The following NEK8 variants were observed in gnomAD, a reference collection of about 807,000 sequenced individuals.
NEK8 encodes the protein NIMA related kinase 8.
Under a neutral mutation model 77.2 loss-of-function variants are expected in NEK8, and 51 were observed. The observed-to-expected ratio is 0.66, with a 90% CI of 0.53 to 0.83. The LOEUF (loss-of-function observed/expected upper bound fraction) is 0.83, where lower values mean the gene tolerates loss of function less well. Ranked by LOEUF, NEK8 falls within the 40% of genes least tolerant of loss-of-function variation. The pLI is 0.00. For missense variants in NEK8, 787 were observed against 909.2 expected (o/e 0.87, Z 1.73); for synonymous variants, 365 against 363.2 (o/e 1.00, Z -0.06).
At chr17:28,735,177 T>G (rs1460679032) in intron 3 of NEK8, 63 bp from the exon 4 acceptor site, 1 of 1,607,808 alleles carries the variant, frequency 6.2e-7, no homozygotes, top group Admixed American at 1.7e-5. Context: ...CCAAATGGGC[T>G]TATGCACAGA....
intron 1 of NEK8, among the ~76,000 whole-genome samples, chr17:28,731,982 C>G (rs1448255823): frequency 8.2e-5 from 9 of 109,236 alleles, no homozygotes; most frequent in Admixed American, 2.5e-4. Flanking sequence ...CTAGGCTGGA[C>G]TGCAGTGGCG....
chr17:28,737,276 C>T lies in NEK8; in HGVS notation c.619-30C>T. The stretch of plus-strand genomic sequence containing the variant: ...GAGCTGGGGGGTGCTGCCCTCACTT[C>T]CCCAAATTCTCAACCTGGTGCCTTC... On this transcript the variant is annotated intron_variant, in intron 4 of 14. Transcript: ENST00000268766. The surrounding 1 kb of genome is among the most constrained non-coding windows in gnomAD (Gnocchi z 4.8). 6.3e-7 allele frequency: 1 copy of T among 1,586,122 alleles called. No individual in the cohort carries two copies. The highest frequency in any genetic ancestry group is 1.1e-5 in the South Asian group (1 of 87,770).
At position 28,740,284 on chromosome 17, in the gene NEK8, G is replaced by A. The variant is rs1398175396; in HGVS notation, c.1418-179G>A. Reference sequence around the variant, plus strand: ...TGGCGACAGAGTGAGACTCAGTCTCGAAAAATAAAAATAAAAAATAAAGAA... The same window carrying A: ...TGGCGACAGAGTGAGACTCAGTCTCAAAAAATAAAAATAAAAAATAAAGAA... On this transcript the variant is annotated intron_variant, in intron 10 of 14. Transcript: ENST00000268766. The surrounding 1 kb of genome is among the most constrained non-coding windows in gnomAD (Gnocchi z 4.7). Among the ~76,000 whole-genome samples, 2 of 151,958 alleles carry A rather than the reference G, an allele frequency of 1.3e-5. No homozygotes were observed. The highest frequency in any genetic ancestry group is 1.9e-4 in the East Asian group (1 of 5,188).
At chr17:28,739,868 T>C (rs1314467287) in intron 10 of NEK8, among the ~76,000 whole-genome samples, 3 of 152,186 alleles carry the variant, frequency 2.0e-5, no homozygotes, top group African/African-American at 7.2e-5. Flanking sequence ...GGGAGAAAGA[T>C]GACATTGCCA....
At position 28,739,185 on chromosome 17, in the gene NEK8, G is replaced by T; in HGVS notation, c.1401G>T (p.Trp467Cys). 6.2e-7 allele frequency: 1 copy of T among 1,613,460 alleles called. No individual in the cohort carries two copies. The highest frequency in any genetic ancestry group is 1.7e-5 in the Admixed American group (1 of 60,022). ...CCACTGAGCGAGAACTATTTGCCTGGGGCCGTGGAGACAGCGGTAAGCTCC... is the reference window on the plus strand; with the variant it reads ...CCACTGAGCGAGAACTATTTGCCTGTGGCCGTGGAGACAGCGGTAAGCTCC... ...ALSTERELFAWGRGDSGRLGL... is the reference protein window; with the variant it reads ...ALSTERELFACGRGDSGRLGL... The change falls in exon 10 of 15, where the codon TGG becomes TGT. Residue 467 changes from tryptophan (W) to cysteine (C), a missense_variant. Trp to Cys is a radical substitution (Grantham distance 215, BLOSUM62 -2). This residue lies in a region of NEK8 where 516 missense variants were observed against 544.0 expected (regional missense o/e 0.95). Transcript: ENST00000268766.
At chr17:28,735,718 C>T (rs1178871567) in intron 4 of NEK8, among the ~76,000 whole-genome samples, 2 of 152,052 alleles carry the variant, frequency 1.3e-5, no homozygotes, top group African/African-American at 2.4e-5. Flanking sequence ...CCCTGTCAGT[C>T]TGGGAGTCTC....
chr17:28,731,780 A>AT (rs1295391199), intron 1 of NEK8, among the ~76,000 whole-genome samples: 2 of 146,244 alleles, frequency 1.4e-5, no homozygotes, highest in African/African-American at 5.1e-5. Flanking sequence ...ATTTTTTTGT[A>AT]TTTTTTAGTA....
rs373048342 is a variant in NEK8 at position 28,741,980 on chromosome 17, C to T, written c.2072C>T (p.Pro691Leu). 59 of 1,613,980 alleles carry T rather than the reference C, an allele frequency of 3.7e-5. No homozygotes were observed. The Middle Eastern group carries it at 4.9e-4, about 13-fold the overall frequency. ...CCAGCGGTCACAGATGAGCCGGTCC[C>T]CCCCTGAGGCACCCGGATTCACCTC... ...AVRSVTDEPV[P>L]P The change falls in exon 15 of 15, where the codon CCC becomes CTC. Residue 691 changes from proline to leucine, a missense_variant. By Grantham distance (98) the Pro-to-Leu change is moderately conservative (BLOSUM62 -3). Transcript: ENST00000268766. The surrounding 1 kb of genome is among the most constrained non-coding windows in gnomAD (Gnocchi z 4.5).
In NEK8 at chr17:28,737,669, C is replaced by A. The variant is rs899987230; in HGVS notation, c.828-6C>A. On this transcript the variant is annotated splice_region_variant and splice_polypyrimidine_tract_variant and intron_variant, in intron 5 of 14. Transcript: ENST00000268766. This position sits in a 1 kb window ranked among gnomAD's most constrained non-coding sequence, Gnocchi z 4.8. ...CTTTGTCCTTAGGCCCCCATCTGTC[C>A]TGCAGGGCAGAGAAGTCCGTGGCCC... 1 of 1,614,070 alleles carries A rather than the reference C, an allele frequency of 6.2e-7. No homozygotes were observed. The highest frequency in any genetic ancestry group is 8.5e-7 in the Non-Finnish European group (1 of 1,180,038).
In NEK8 at chr17:28,737,515, G is replaced by T; in HGVS notation, c.827+1G>T. ...ACGTGGGCAGTGTCCGCATGCGGAG[G>T]CCTGTGCAGGGACAGCGAGCGGTCC... is the stretch of plus-strand genomic sequence containing the variant. On this transcript the variant is annotated splice_donor_variant, in intron 5 of 14. Coordinates refer to ENST00000268766, the MANE Select transcript of NEK8 (RefSeq NM_178170.3). LOFTEE classifies it high-confidence loss of function. The surrounding 1 kb of genome is among the most constrained non-coding windows in gnomAD (Gnocchi z 4.8). 3 of 1,613,076 alleles carry T rather than the reference G, an allele frequency of 1.9e-6. No individual in the cohort carries two copies. The highest frequency in any genetic ancestry group is 2.5e-6 in the Non-Finnish European group (3 of 1,179,834).
In NEK8 at chr17:28,738,168, C is replaced by T. The variant is rs146989750; in HGVS notation, c.1145C>T (p.Ser382Leu). 2.6e-4 allele frequency: 420 copies of T among 1,614,002 alleles called. No individual in the cohort carries two copies. The highest frequency in any genetic ancestry group is 3.4e-4 in the Non-Finnish European group (403 of 1,179,992). Residue 382 changes from serine to leucine, a missense_variant, in exon 8 of 15, where the codon TCG (serine) becomes TTG (leucine). Ser to Leu is a moderately radical substitution (Grantham distance 145). Coordinates refer to ENST00000268766, the MANE Select transcript of NEK8 (RefSeq NM_178170.3). Reference protein sequence around the residue: ...AVEQPQPQFISRFLEGQSGVT... With the variant: ...AVEQPQPQFILRFLEGQSGVT... ...GAGCAGCCACAGCCCCAGTTCATCT[C>T]GCGTTTCCTGGAGGGCCAGTCGGGT...
rs761136772 is a variant in NEK8 at position 28,741,065 on chromosome 17, C to T, written c.1733-13C>T. On this transcript the variant is annotated splice_polypyrimidine_tract_variant and intron_variant, in intron 12 of 14. Coordinates refer to ENST00000268766, the MANE Select transcript of NEK8 (RefSeq NM_178170.3). The surrounding 1 kb of genome is among the most constrained non-coding windows in gnomAD (Gnocchi z 4.5). ...CCCTGTTGAAGCACCCCTTTCCTTC[C>T]TCTCCCCCATAGCCTCGGGTGATTG... The T allele has an allele frequency of 6.2e-7, 1 of 1,614,212 alleles. No individual in the cohort carries two copies. The highest frequency in any genetic ancestry group is 8.5e-7 in the Non-Finnish European group (1 of 1,180,028).
intron 9 of NEK8, 30 bp from the exon 10 acceptor site, chr17:28,739,054 C>T (rs770538383): frequency 1.3e-6 from 2 of 1,541,192 alleles, no homozygotes; most frequent in Non-Finnish European, 1.8e-6. Context: ...ACCCTTTGCC[C>T]AGTTTCTCCT....
At chr17:28,739,338 T>C (rs2034398049) in intron 10 of NEK8, 137 bp downstream of exon 10, 1 of 763,748 alleles carries the variant, frequency 1.3e-6, no homozygotes, top group African/African-American at 1.7e-5. Flanking sequence ...TCAACAAACC[T>C]TTATTTTACA....
intron 1 of NEK8, among the ~76,000 whole-genome samples, chr17:28,729,505 G>T (rs1341749184): frequency 1.3e-5 from 2 of 150,240 alleles, no homozygotes; most frequent in Non-Finnish European, 2.9e-5. Context: ...ACAGGCGTGC[G>T]CCACCATGCC....
In NEK8 at chr17:28,742,673, G is replaced by A. The variant is rs2034437488; in HGVS notation, c.*686G>A. 1 of 155,838 alleles carries A rather than the reference G, an allele frequency of 6.4e-6. No individual in the cohort carries two copies. The allele number at this position is 155,838 out of a possible 1,614,324, so 9.7% of individuals were successfully genotyped here. On this transcript the variant is annotated 3_prime_UTR_variant, in exon 15 of 15. Transcript: ENST00000268766. ...GGCGGCGGTGGCTCACACCTGCATA[G>A]GCAGTGCTTTGGCCAGGAGGATCCC...
At chr17:28,730,277 A>ATTTTTTTTT (rs36102062) in intron 1 of NEK8, among the ~76,000 whole-genome samples, 2 of 89,268 alleles carry the variant, frequency 2.2e-5, no homozygotes, top group Non-Finnish European at 4.1e-5. Flanking sequence ...CAACCGGCTA[A>ATTTTTTTTT]TTTTTTTTTT....
At position 28,739,099 on chromosome 17, in the gene NEK8, G is replaced by C; in HGVS notation, c.1315G>C (p.Ala439Pro). The change falls in exon 10 of 15, where the codon GCT (alanine) becomes CCT (proline). Residue 439 changes from alanine (A) to proline (P), a missense_variant. By Grantham distance (27) the Ala-to-Pro change is conservative. This residue lies in a region of NEK8 where 516 missense variants were observed against 544.0 expected (regional missense o/e 0.95). Coordinates refer to ENST00000268766, the MANE Select transcript of NEK8 (RefSeq NM_178170.3). ...TCCTCTCTAGCCCACCATTGTGGAGGCTTTGCTGGGCTATGAAATGGTGCA... is the reference window on the plus strand; with the variant it reads ...TCCTCTCTAGCCCACCATTGTGGAGCCTTTGCTGGGCTATGAAATGGTGCA... Reference protein sequence around the residue: ...TDISQPTIVEALLGYEMVQVA... With the variant: ...TDISQPTIVEPLLGYEMVQVA... 1 of 1,613,676 alleles carries C rather than the reference G, an allele frequency of 6.2e-7. No individual in the cohort carries two copies. Among genetic ancestry groups the C allele is most frequent in the Non-Finnish European group, 8.5e-7 (1 of 1,179,544 alleles).
rs368153226 is a variant in NEK8, at chr17:28,741,487, C to T, written c.1966C>T (p.Arg656Trp). The T allele has an allele frequency of 1.1e-5, 17 of 1,614,030 alleles. No individual in the cohort carries two copies. The highest frequency in any genetic ancestry group is 2.7e-5 in the African/African-American group (2 of 74,914). The change falls in exon 14 of 15, where the codon CGG (arginine) becomes TGG (tryptophan). Residue 656 changes from arginine (R) to tryptophan (W), a missense_variant. Around this residue, in one of 2 missense-constraint regions of NEK8, gnomAD observed 516 missense variants for 544.0 expected, o/e 0.95. Transcript: ENST00000268766. The surrounding 1 kb of genome is among the most constrained non-coding windows in gnomAD (Gnocchi z 4.5). ...GAGGGATGAGGATGCCGGACTCCCT[C>T]GGCCAGTGCAGTTGGATGAGACACA... ...GRRDEDAGLPRPVQLDETHPY... is the reference protein window; with the variant it reads ...GRRDEDAGLPWPVQLDETHPY...
Sources: allele counts gnomAD v4.1 joint callset (sites outside exome capture counted in the v4.1 genomes callset), GRCh38; gene constraint gnomAD v4.1.1; regional missense constraint gnomAD v4.1.1; non-coding constraint Gnocchi (gnomAD v3.1); transcripts MANE v1.5; gene names NCBI Gene and HGNC (gene_info 2026-07-23, HGNC 2026-07-21).